Variants in CACNA2D3 observed in about 807,000 individuals in gnomAD.
The protein encoded by CACNA2D3 is calcium voltage-gated channel auxiliary subunit alpha2delta 3, also known as voltage-dependent calcium channel subunit alpha-2/delta-3.
Under a neutral mutation model 160.6 loss-of-function variants are expected in CACNA2D3, and 60 were observed. That is an observed-to-expected ratio of 0.37 (90% CI 0.30 to 0.46). CACNA2D3 has a LOEUF of 0.46. Ranked by LOEUF, CACNA2D3 falls within the 20% of genes least tolerant of loss-of-function variation. CACNA2D3 has a pLI of 1.00. For synonymous variants in CACNA2D3, 558 were observed against 492.9 expected (o/e 1.13, Z -1.75); for missense variants, 1,205 against 1,365.0 (o/e 0.88, Z 1.85).
chr3:54,582,918 C>G (rs904288283), intron 9 of CACNA2D3, among the ~76,000 whole-genome samples: 1 of 152,130 alleles, frequency 6.6e-6, no homozygotes, highest in Admixed American at 6.5e-5. Flanking sequence ...GAGTTAATAT[C>G]TGGGCTTCAG....
chr3:54,888,022 A>G lies in CACNA2D3; in HGVS notation c.2120A>G (p.Tyr707Cys). 1 of 1,613,890 alleles carries G rather than the reference A, an allele frequency of 6.2e-7. No individual in the cohort carries two copies. Among genetic ancestry groups the G allele is most frequent in the Middle Eastern group, 1.6e-4 (1 of 6,062 alleles). ...DAVVSAPIEA[Y>C]WTSLALNKSE... The stretch of plus-strand genomic sequence containing the variant: ...GTGGTGAGTGCCCCCATTGAAGCGT[A>G]TTGGACCAGCCTGGCCCTCAACAAA... The change falls in exon 24 of 38, where the codon TAT (tyrosine) becomes TGT (cysteine). Residue 707 changes from tyrosine to cysteine, a missense_variant. Tyr to Cys is a radical substitution (Grantham distance 194). Coordinates refer to ENST00000474759, the MANE Select transcript of CACNA2D3 (RefSeq NM_018398.3).
chr3:54,183,343 G>A (rs1700818381), intron 2 of CACNA2D3, among the ~76,000 whole-genome samples: 3 of 151,958 alleles, frequency 2.0e-5, no homozygotes, highest in Admixed American at 2.0e-4. Context: ...CAGCTGTGGG[G>A]TTTGTGGTGG....
chr3:54,144,978 C>T (rs1699998756), intron 2 of CACNA2D3, among the ~76,000 whole-genome samples: 1 of 152,172 alleles, frequency 6.6e-6, no homozygotes, highest in Non-Finnish European at 1.5e-5. Context: ...GTTTTAACTA[C>T]TCGCTGTGGT....
At chr3:54,258,705 G>C (rs1010475514) in intron 2 of CACNA2D3, among the ~76,000 whole-genome samples, 1 of 152,132 alleles carries the variant, frequency 6.6e-6, no homozygotes, top group African/African-American at 2.4e-5. Context: ...AGCTGAGAAT[G>C]TTGGGGATAG....
At chr3:54,261,579 C>T (rs1702400733) in intron 2 of CACNA2D3, among the ~76,000 whole-genome samples, 1 of 152,182 alleles carries the variant, frequency 6.6e-6, no homozygotes, top group Non-Finnish European at 1.5e-5. Flanking sequence ...CACAGAATCT[C>T]CCTATCTGAA....
chr3:54,905,444 A>C (rs918139201), intron 27 of CACNA2D3, among the ~76,000 whole-genome samples: 7 of 152,186 alleles, frequency 4.6e-5, no homozygotes, highest in African/African-American at 7.2e-5. Flanking sequence ...TAACTTGTGA[A>C]CATTCCTTTG....
chr3:54,883,541 G>A (rs1699851332), intron 21 of CACNA2D3, among the ~76,000 whole-genome samples: 1 of 152,134 alleles, frequency 6.6e-6, no homozygotes. Flanking sequence ...CATCTTTTCT[G>A]AGTGTCATTT....
chr3:54,820,969 T>A (rs923568788), intron 14 of CACNA2D3, among the ~76,000 whole-genome samples: 2 of 152,106 alleles, frequency 1.3e-5, no homozygotes, highest in African/African-American at 4.8e-5. Flanking sequence ...TCAATGTAGG[T>A]TTAATCAACG....
intron 5 of CACNA2D3, among the ~76,000 whole-genome samples, chr3:54,531,789 A>C (rs1417095829): frequency 6.6e-6 from 1 of 152,232 alleles, no homozygotes; most frequent in East Asian, 1.9e-4. Flanking sequence ...ACAATTTTAG[A>C]AATTTGCAGC....
At chr3:54,679,425 G>C (rs1251963540) in intron 11 of CACNA2D3, among the ~76,000 whole-genome samples, 1 of 152,184 alleles carries the variant, frequency 6.6e-6, no homozygotes, top group African/African-American at 2.4e-5. Flanking sequence ...GGCCTACTGA[G>C]GCAGCGACTG....
chr3:54,605,703 A>G (rs1698595065), intron 9 of CACNA2D3, among the ~76,000 whole-genome samples: 1 of 152,096 alleles, frequency 6.6e-6, no homozygotes, highest in African/African-American at 2.4e-5. Context: ...GCTTTGTCTC[A>G]TTTTCCAGTA....
intron 4 of CACNA2D3, among the ~76,000 whole-genome samples, chr3:54,502,856 T>C (rs1406901255): frequency 6.6e-6 from 1 of 152,214 alleles, no homozygotes; most frequent in African/African-American, 2.4e-5. Flanking sequence ...CTTCTGTATA[T>C]GTGAGATGAT....
At chr3:54,260,804 T>C (rs1252838535) in intron 2 of CACNA2D3, among the ~76,000 whole-genome samples, 1 of 152,130 alleles carries the variant, frequency 6.6e-6, no homozygotes, top group Non-Finnish European at 1.5e-5. Context: ...TTTCCCCACT[T>C]CTTTGCACAC....
At chr3:54,285,973 TG>T (rs1703012009) in intron 2 of CACNA2D3, among the ~76,000 whole-genome samples, 1 of 151,832 alleles carries the variant, frequency 6.6e-6, no homozygotes. Flanking sequence ...ACCACAAAGA[TG>T]GGGAAAAAAC....
At position 54,282,864 on chromosome 3, in the gene CACNA2D3, T is replaced by A. The variant is rs149744492; in HGVS notation, c.205-37578T>A. On this transcript the variant is annotated intron_variant, in intron 2 of 37. Transcript: ENST00000474759. The stretch of plus-strand genomic sequence containing the variant: ...AGTTTTCGCTTTGTTTTTTTTTTTG[T>A]CATCAAATACAGTCATTATTAGTTG... 9.7e-3 allele frequency among the ~76,000 whole-genome samples: 1,470 copies of A among 152,082 alleles called. 12 individuals are homozygous for A. Among genetic ancestry groups the A allele is most frequent in the Non-Finnish European group, 0.016 (1,073 of 67,966 alleles).
chr3:54,334,064 C>T (rs1420267677), intron 3 of CACNA2D3, among the ~76,000 whole-genome samples: 2 of 152,110 alleles, frequency 1.3e-5, no homozygotes, highest in African/African-American at 4.8e-5. Flanking sequence ...TTGCCCCAGT[C>T]ATTTGTTTTA....
chr3:54,959,980 C>A (rs1400424748), intron 27 of CACNA2D3, among the ~76,000 whole-genome samples: 1 of 151,768 alleles, frequency 6.6e-6, no homozygotes, highest in Admixed American at 6.6e-5. Context: ...CAACATCAAT[C>A]CAGTCAAGTA....
intron 31 of CACNA2D3, among the ~76,000 whole-genome samples, chr3:55,001,428 C>T (rs951769803): frequency 6.6e-6 from 1 of 152,224 alleles, no homozygotes; most frequent in Non-Finnish European, 1.5e-5. Flanking sequence ...TGTTGGAATA[C>T]TTCCTCTCTA....
chr3:54,246,745 C>T (rs886525895), intron 2 of CACNA2D3, among the ~76,000 whole-genome samples: 7 of 146,726 alleles, frequency 4.8e-5, no homozygotes, highest in Admixed American at 3.3e-4. Flanking sequence ...AAAAAAGAGC[C>T]AGAATATCTC....
Sources: gnomAD v4.1 joint callset for allele counts (sites outside exome capture counted in the v4.1 genomes callset) on GRCh38, gnomAD v4.1.1 for gene constraint, MANE v1.5 for transcripts, NCBI Gene and HGNC (gene_info 2026-07-23, HGNC 2026-07-21) for gene names.